CCDC150: variants seen among roughly 807,000 people sequenced by gnomAD.
The protein encoded by CCDC150 is coiled-coil domain containing 150.
CCDC150 carries 151 observed loss-of-function variants against 156.5 expected under a neutral mutation model. That is an observed-to-expected ratio of 0.97 (90% confidence interval 0.85 to 1.10). CCDC150 has a LOEUF of 1.10. Ranked by LOEUF, CCDC150 falls within the 50% of genes least tolerant of loss-of-function variation. The pLI is 0.00. For missense variants in CCDC150, 1,312 were observed against 1,268.1 expected, an observed-to-expected ratio of 1.03 and a Z score of -0.53; for synonymous variants, 452 against 429.4, an observed-to-expected ratio of 1.05 and a Z score of -0.65.
chr2:196,707,809 G>T lies in CCDC150; in HGVS notation c.1696-4336G>T, dbSNP rs1286825045. Among the ~76,000 whole-genome samples the T allele has an allele frequency of 2.0e-5, 3 of 152,188 alleles. No homozygotes were observed. In the East Asian group the frequency reaches 5.8e-4, roughly 29 times the overall value. ...GAGCACCAGGTTGTTCAGTTTCCAT[G>T]TAGTTGTGCGGTTTTGAGTGAGTTT... On this transcript the variant is annotated intron_variant, in intron 15 of 27. Transcript: ENST00000389175.
At chr2:196,699,147 T>C (rs572253549) in intron 14 of CCDC150, among the ~76,000 whole-genome samples, 18 of 152,356 alleles carry the variant, frequency 1.2e-4, no homozygotes, top group Non-Finnish European at 1.8e-4. Flanking sequence ...TATTTATTGA[T>C]AGCAGTCTAC....
intron 1 of CCDC150, among the ~76,000 whole-genome samples, chr2:196,643,539 A>G (rs559567216): frequency 1.3e-5 from 2 of 152,374 alleles, no homozygotes; most frequent in African/African-American, 4.8e-5. Flanking sequence ...TTAGGGAAAT[A>G]TCAACAAAAC....
intron 13 of CCDC150, among the ~76,000 whole-genome samples, chr2:196,692,815 A>T (rs1695575322): frequency 6.6e-6 from 1 of 152,054 alleles, no homozygotes; most frequent in Non-Finnish European, 1.5e-5. Flanking sequence ...GGGTGGGGAG[A>T]TCTGTAAATA....
chr2:196,700,637 G>C (rs138742990), intron 14 of CCDC150, among the ~76,000 whole-genome samples: 1 of 152,302 alleles, frequency 6.6e-6, no homozygotes, highest in African/African-American at 2.4e-5. Context: ...CAATGAGTTT[G>C]AGTCTCCAAT....
In CCDC150 at chr2:196,676,282, G is replaced by A; in HGVS notation, c.1262+15G>A. On this transcript the variant is annotated intron_variant, in intron 11 of 27. Coordinates refer to ENST00000389175, the MANE Select transcript of CCDC150 (RefSeq NM_001080539.2). Reference sequence around the variant, plus strand: ...CAGGCACATCTGTAAGTAAATTATGGGCAACTTCTTATACATCTTTTGTTC... The same window carrying A: ...CAGGCACATCTGTAAGTAAATTATGAGCAACTTCTTATACATCTTTTGTTC... 2 of 1,612,318 alleles carry A rather than the reference G, an allele frequency of 1.2e-6. No individual in the cohort carries two copies. Among genetic ancestry groups the A allele is most frequent in the Non-Finnish European group, 1.7e-6 (2 of 1,179,036 alleles).
intron 19 of CCDC150, 61 bp from the exon 20 acceptor site, chr2:196,720,514 A>G: frequency 7.3e-7 from 1 of 1,376,474 alleles, no homozygotes; most frequent in Non-Finnish European, 1.0e-6. Flanking sequence ...TAACTCCCAA[A>G]TGGTATCATT....
At chr2:196,709,992 G>C (rs2125686056) in intron 15 of CCDC150, among the ~76,000 whole-genome samples, 2 of 152,354 alleles carry the variant, frequency 1.3e-5, no homozygotes, top group East Asian at 3.9e-4. Context: ...GAGGCAGTCT[G>C]TCTGTTCTCC....
intron 13 of CCDC150, among the ~76,000 whole-genome samples, chr2:196,688,595 G>GT (rs895992062): frequency 1.8e-4 from 28 of 152,000 alleles, no homozygotes; most frequent in Non-Finnish European, 4.4e-5. Context: ...GGGGTTGTTT[G>GT]TTTTTTTCTT....
At chr2:196,644,544 C>T (rs1448249307) in intron 1 of CCDC150, among the ~76,000 whole-genome samples, 2 of 151,966 alleles carry the variant, frequency 1.3e-5, no homozygotes, top group East Asian at 3.9e-4. Flanking sequence ...TACCAGGAGT[C>T]TCCACATCAG....
chr2:196,717,425 T>C (rs1187057148), intron 17 of CCDC150, among the ~76,000 whole-genome samples: 2 of 152,298 alleles, frequency 1.3e-5, no homozygotes, highest in East Asian at 3.9e-4. Context: ...TGCATGGAAC[T>C]GTGTGCATGC....
intron 1 of CCDC150, among the ~76,000 whole-genome samples, chr2:196,643,297 G>C (rs4850719): frequency 0.77 from 117,821 of 152,112 alleles, 45,840 homozygotes; most frequent in East Asian, 0.97. Flanking sequence ...CAAGTTGGTT[G>C]CTCCTTTTTG....
chr2:196,703,929 C>T (rs1420779800), intron 15 of CCDC150, among the ~76,000 whole-genome samples: 1 of 152,134 alleles, frequency 6.6e-6, no homozygotes, highest in African/African-American at 2.4e-5. Context: ...ACTTTTTGAA[C>T]TATTGTGAAC....
At chr2:196,651,190 A>G (rs1452862735) in intron 2 of CCDC150, among the ~76,000 whole-genome samples, 1 of 152,106 alleles carries the variant, frequency 6.6e-6, no homozygotes, top group African/African-American at 2.4e-5. Flanking sequence ...CCCTGCTCCC[A>G]CTATTTATGT....
intron 2 of CCDC150, among the ~76,000 whole-genome samples, chr2:196,647,753 G>A (rs1692631653): frequency 6.6e-6 from 1 of 151,992 alleles, no homozygotes; most frequent in Admixed American, 6.6e-5. Flanking sequence ...TTTCCTTGTG[G>A]CAAAAAGATT....
intron 13 of CCDC150, among the ~76,000 whole-genome samples, chr2:196,682,440 C>T (rs1296561554): frequency 6.6e-6 from 1 of 151,746 alleles, no homozygotes; most frequent in Non-Finnish European, 1.5e-5. Flanking sequence ...TTGTTTTAGC[C>T]ATTCTGGGTC....
chr2:196,716,930 G>A (rs550065075), intron 17 of CCDC150, among the ~76,000 whole-genome samples: 3 of 136,682 alleles, frequency 2.2e-5, no homozygotes, highest in African/African-American at 8.5e-5. Flanking sequence ...ATCTTGGCTT[G>A]GCTCACTGCA....
At chr2:196,674,608 G>A (rs1465443307) in intron 10 of CCDC150, among the ~76,000 whole-genome samples, 1 of 151,654 alleles carries the variant, frequency 6.6e-6, no homozygotes, top group Non-Finnish European at 1.5e-5. Context: ...GAATCATGGA[G>A]AACACGTATG....
chr2:196,712,049 T>C, intron 15 of CCDC150, 96 bp from the exon 16 acceptor site: 10 of 379,912 alleles, frequency 2.6e-5, no homozygotes, highest in Non-Finnish European at 2.8e-5. Flanking sequence ...CTCATGACCC[T>C]TTTTCCCCCT....
intron 7 of CCDC150, among the ~76,000 whole-genome samples, chr2:196,669,381 A>T (rs1482574320): frequency 6.6e-6 from 1 of 152,186 alleles, no homozygotes; most frequent in Non-Finnish European, 1.5e-5. Context: ...TTACCCCACC[A>T]GTAAGCCATC....
Sources: gnomAD v4.1 joint callset for allele counts (sites outside exome capture counted in the v4.1 genomes callset) on GRCh38, gnomAD v4.1.1 for gene constraint, MANE v1.5 for transcripts, NCBI Gene and HGNC (gene_info 2026-07-23, HGNC 2026-07-21) for gene names.